The following ZNF710 variants were observed in gnomAD, a reference collection of about 807,000 sequenced individuals.
ZNF710 encodes the protein zinc finger protein 710.
Under a neutral mutation model 50.6 loss-of-function variants are expected in ZNF710, and 13 were observed. The ratio of observed to expected loss-of-function variants is 0.26; its 90% CI spans 0.17 to 0.41. The LOEUF is 0.41. Ranked by LOEUF, ZNF710 falls within the 10% of genes least tolerant of loss-of-function variation. The probability of loss-of-function intolerance (pLI) is 1.00; values close to 1 mark genes in which losing one functional copy is unlikely to be tolerated. For missense variants in ZNF710, 721 were observed against 936.6 expected, an observed-to-expected ratio of 0.77 and a Z score of 3.01; for synonymous variants, 383 against 397.0, an observed-to-expected ratio of 0.96 and a Z score of 0.42.
At chr15:90,008,443 T>TATATATATACACATATATATATACAC (rs1898204808) in intron 1 of ZNF710, among the ~76,000 whole-genome samples, 1 of 140,526 alleles carries the variant, frequency 7.1e-6, no homozygotes, top group African/African-American at 2.9e-5. Context: ...TATATATACA[T>TATATATATACACATATATATATACAC]ATATATATAT....
intron 2 of ZNF710, among the ~76,000 whole-genome samples, chr15:90,070,332 G>A (rs1418055958): frequency 6.6e-6 from 1 of 150,682 alleles, no homozygotes; most frequent in Non-Finnish European, 1.5e-5. Context: ...CTGCACTCTA[G>A]CCTGGGCAAC....
At chr15:90,020,488 G>A (rs529123885) in intron 1 of ZNF710, among the ~76,000 whole-genome samples, 28 of 42,238 alleles carry the variant, frequency 6.6e-4, no homozygotes, top group African/African-American at 1.4e-3. Flanking sequence ...CTGCCTCCCC[G>A]CCCCCGGGGA....
At chr15:90,048,435 G>A (rs1315977859) in intron 1 of ZNF710, among the ~76,000 whole-genome samples, 1 of 152,254 alleles carries the variant, frequency 6.6e-6, no homozygotes, top group Non-Finnish European at 1.5e-5. Flanking sequence ...ATCAGCACAG[G>A]GAGGAGGGTG....
chr15:90,013,748 C>T (rs771322040), intron 1 of ZNF710, among the ~76,000 whole-genome samples: 1 of 152,204 alleles, frequency 6.6e-6, no homozygotes, highest in Non-Finnish European at 1.5e-5. Flanking sequence ...AATGCCTTCT[C>T]TCGATTTTTG....
Position 90,027,217 on chromosome 15 carries a change from G to GT in ZNF710, c.-29+25613dup, listed in dbSNP as rs796681123. On this transcript the variant is annotated intron_variant, in intron 1 of 4. Transcript: ENST00000268154. ...AATTGTAACTTCTTTTTCTTCTTCT[G>GT]TTTTTTTTTTGGAGACAGAGTCTTG... 4.4e-3 allele frequency among the ~76,000 whole-genome samples: 658 copies of GT among 147,874 alleles called. 4 individuals are homozygous for GT. Among genetic ancestry groups the GT allele is most frequent in the African/African-American group, 0.013 (546 of 40,556 alleles).
At chr15:90,023,619 G>A (rs866133489) in intron 1 of ZNF710, among the ~76,000 whole-genome samples, 4 of 152,214 alleles carry the variant, frequency 2.6e-5, no homozygotes, top group East Asian at 1.9e-4. Flanking sequence ...AAGAGTTCAC[G>A]GCTGCAGTGA....
chr15:90,067,457 C>G lies in ZNF710; in HGVS notation c.320C>G (p.Pro107Arg). The change falls in exon 2 of 5, where the codon CCC becomes CGC. Residue 107 changes from proline (P) to arginine (R), a missense_variant. Coordinates refer to ENST00000268154, the MANE Select transcript of ZNF710 (RefSeq NM_198526.4). This position sits in a 1 kb window ranked among gnomAD's most constrained non-coding sequence, Gnocchi z 8.1. ...RKTRPPVRLV[P>R]KVKFEKVEEE... ...ACGCGGCCACCTGTGCGGTTGGTGCCCAAGGTCAAGTTCGAGAAGGTGGAG... is the reference window on the plus strand; with the variant it reads ...ACGCGGCCACCTGTGCGGTTGGTGCGCAAGGTCAAGTTCGAGAAGGTGGAG... 1.2e-6 allele frequency: 2 copies of G among 1,611,820 alleles called. No homozygotes were observed. Among genetic ancestry groups the G allele is most frequent in the Non-Finnish European group, 1.7e-6 (2 of 1,178,906 alleles).
intron 1 of ZNF710, among the ~76,000 whole-genome samples, chr15:90,005,023 T>A (rs910636075): frequency 6.6e-6 from 1 of 152,212 alleles, no homozygotes; most frequent in African/African-American, 2.4e-5. Context: ...TTCTTCATAC[T>A]TTGACTTGTA....
intron 1 of ZNF710, among the ~76,000 whole-genome samples, chr15:90,056,870 G>T (rs1208542155): frequency 6.6e-6 from 1 of 152,142 alleles, no homozygotes; most frequent in Non-Finnish European, 1.5e-5. Flanking sequence ...ATTTCTATAA[G>T]AACCAGAGGC....
chr15:89,999,801 T>A (rs1897973461), upstream of ZNF710, among the ~76,000 whole-genome samples: 2 of 151,890 alleles, frequency 1.3e-5, no homozygotes, highest in African/African-American at 4.8e-5. Context: ...GGGCTCAGCA[T>A]CTGCTCCTCC....
intron 4 of ZNF710, 112 bp from the exon 5 acceptor site, chr15:90,079,548 A>G: frequency 7.5e-7 from 1 of 1,340,740 alleles, no homozygotes; most frequent in Non-Finnish European, 1.0e-6. Flanking sequence ...AGACTCCTGG[A>G]GGCCGTGACT....
chr15:90,024,235 T>C lies in ZNF710; in HGVS notation c.-29+22621T>C, dbSNP rs578009417. 2.6e-5 allele frequency among the ~76,000 whole-genome samples: 4 copies of C among 152,348 alleles called. No individual in the cohort carries two copies. The South Asian group carries it at 8.3e-4, about 32-fold the overall frequency. The stretch of plus-strand genomic sequence containing the variant: ...ATCTCTGCCCATCACTGCAGTTCTT[T>C]TGGCCCATGCCTTATTTCATTGGCC... On this transcript the variant is annotated intron_variant, in intron 1 of 4. Coordinates refer to ENST00000268154, the MANE Select transcript of ZNF710 (RefSeq NM_198526.4).
At chr15:90,007,688 C>T (rs931897737) in intron 1 of ZNF710, among the ~76,000 whole-genome samples, 2 of 150,620 alleles carry the variant, frequency 1.3e-5, no homozygotes, top group Non-Finnish European at 2.9e-5. Context: ...GCCTCAGAGC[C>T]AGGATTAGAA....
intron 1 of ZNF710, among the ~76,000 whole-genome samples, chr15:90,051,803 A>G (rs1329940433): frequency 6.6e-6 from 1 of 152,160 alleles, no homozygotes; most frequent in Non-Finnish European, 1.5e-5. Flanking sequence ...GCTGTATAAA[A>G]ATGATCTCAA....
chr15:90,066,474 ATTT>A (rs71461840), intron 1 of ZNF710, among the ~76,000 whole-genome samples: 7,959 of 120,298 alleles, frequency 0.066, 557 homozygotes, highest in African/African-American at 0.23. Context: ...ATTTTTAAGG[ATTT>A]TTTTTTTTTT....
chr15:90,060,576 G>A (rs549372013), intron 1 of ZNF710, among the ~76,000 whole-genome samples: 7 of 151,408 alleles, frequency 4.6e-5, no homozygotes, highest in South Asian at 2.1e-4. Context: ...AAGTCAGGCC[G>A]GGCGCAGTAG....
At chr15:90,019,193 T>TTTTTTTTTTTTTTTTTTTC (rs1898542258) in intron 1 of ZNF710, among the ~76,000 whole-genome samples, 1 of 146,562 alleles carries the variant, frequency 6.8e-6, no homozygotes, top group African/African-American at 2.5e-5. Flanking sequence ...CTTTCTTTTT[T>TTTTTTTTTTTTTTTTTTTC]TTTTTTTTTT....
At chr15:90,026,262 AC>A (rs1457100770) in intron 1 of ZNF710, among the ~76,000 whole-genome samples, 1,526 of 126,996 alleles carry the variant, frequency 0.012, 29 homozygotes, top group African/African-American at 0.05. Flanking sequence ...AACAACAACA[AC>A]AACAACAAAA....
chr15:90,036,759 G>A (rs897789346), intron 1 of ZNF710, among the ~76,000 whole-genome samples: 4 of 152,146 alleles, frequency 2.6e-5, no homozygotes, highest in African/African-American at 9.7e-5. Context: ...AACCAGAAGG[G>A]TCTTCAGCAA....
Sources: allele counts gnomAD v4.1 joint callset (sites outside exome capture counted in the v4.1 genomes callset), GRCh38; gene constraint gnomAD v4.1.1; non-coding constraint Gnocchi (gnomAD v3.1); transcripts MANE v1.5; gene names NCBI Gene and HGNC (gene_info 2026-07-23, HGNC 2026-07-21).